DNAH14: variants seen among roughly 807,000 people sequenced by gnomAD.
DNAH14 encodes axonemal beta dynein heavy chain 14.
Under a neutral mutation model 520.9 loss-of-function variants are expected in DNAH14, and 478 were observed. That is an observed-to-expected ratio of 0.92 (90% confidence interval 0.85 to 0.99). The LOEUF is 0.99. Among genes scored for constraint, DNAH14 ranks in the 50% least tolerant of loss-of-function variants. The pLI, the probability that DNAH14 is intolerant of heterozygous loss-of-function variation, is 0.00. For missense variants in DNAH14, 4,831 were observed against 5,234.5 expected (o/e 0.92, Z 2.38); for synonymous variants, 1,581 against 1,757.2 (o/e 0.90, Z 2.51).
Position 225,331,500 on chromosome 1 carries a change from T to G in DNAH14, c.9787T>G (p.Leu3263Val). 6.4e-7 allele frequency: 1 copy of G among 1,551,484 alleles called. No individual in the cohort carries two copies. Among genetic ancestry groups the G allele is most frequent in the Non-Finnish European group, 8.7e-7 (1 of 1,146,864 alleles). Residue 3263 changes from leucine (L) to valine (V), a missense_variant, in exon 65 of 86, where the codon TTA becomes GTA. Coordinates refer to ENST00000682510, the MANE Select transcript of DNAH14 (RefSeq NM_001367479.1). ...YKDTVAEKQLLANRKTMASRR... is the reference protein window; with the variant it reads ...YKDTVAEKQLVANRKTMASRR... ...AGATACCGTTGCTGAAAAACAACTA[T>G]TAGCAAATCGGAAAACAATGGCCAG...
intron 17 of DNAH14, among the ~76,000 whole-genome samples, chr1:225,059,730 A>T (rs557044529): frequency 6.6e-6 from 1 of 152,078 alleles, no homozygotes; most frequent in East Asian, 1.9e-4. Flanking sequence ...TGGTGGTGAC[A>T]AAATCTCTCA....
chr1:225,255,800 T>C (rs1393067797), intron 44 of DNAH14, among the ~76,000 whole-genome samples: 1 of 152,120 alleles, frequency 6.6e-6, no homozygotes, highest in Non-Finnish European at 1.5e-5. Context: ...CAGACAGCCA[T>C]GCTTACCATT....
chr1:225,033,509 T>C (rs2066703349), intron 11 of DNAH14, among the ~76,000 whole-genome samples: 1 of 152,074 alleles, frequency 6.6e-6, no homozygotes, highest in Non-Finnish European at 1.5e-5. Context: ...AGTTGGGTGA[T>C]GCGGTTCTTC....
At chr1:225,348,497 A>G (rs2095319631) in intron 71 of DNAH14, among the ~76,000 whole-genome samples, 1 of 152,210 alleles carries the variant, frequency 6.6e-6, no homozygotes, top group African/African-American at 2.4e-5. Context: ...TTATTTGTAC[A>G]TACAAGGGAG....
intron 55 of DNAH14, among the ~76,000 whole-genome samples, chr1:225,296,217 G>A (rs2094002624): frequency 6.6e-6 from 1 of 152,072 alleles, no homozygotes; most frequent in East Asian, 1.9e-4. Flanking sequence ...TATCAATTCA[G>A]CCAGTCTATA....
At chr1:225,079,880 A>T (rs2072909740) in intron 18 of DNAH14, among the ~76,000 whole-genome samples, 1 of 151,770 alleles carries the variant, frequency 6.6e-6, no homozygotes, top group Non-Finnish European at 1.5e-5. Context: ...TCACCGTGTT[A>T]GCCAAGATGG....
At chr1:224,929,962 C>G in intron 1 of DNAH14, 127 bp downstream of exon 1, 1 of 502,746 alleles carries the variant, frequency 2.0e-6, no homozygotes, top group Non-Finnish European at 3.5e-6. Context: ...CCCCACCCAG[C>G]TGCTGTGGGA....
chr1:225,057,102 A>G (rs1176973296), intron 17 of DNAH14, among the ~76,000 whole-genome samples: 1 of 152,232 alleles, frequency 6.6e-6, no homozygotes, highest in Non-Finnish European at 1.5e-5. Flanking sequence ...GATGGCATTG[A>G]ATCTATAAAT....
At position 225,322,721 on chromosome 1, in the gene DNAH14, T is replaced by G; in HGVS notation, c.9393T>G (p.Leu3131=). 6.4e-7 allele frequency: 1 copy of G among 1,551,662 alleles called. No homozygotes were observed. Among genetic ancestry groups the G allele is most frequent in the South Asian group, 1.2e-5 (1 of 84,060 alleles). Residue 3131 remains leucine, a synonymous_variant, in exon 62 of 86, where the codon CTT becomes CTG. Coordinates refer to ENST00000682510, the MANE Select transcript of DNAH14 (RefSeq NM_001367479.1). ...CTGTCATGAATGCAGTGTGTATTCT[T>G]CTGCAAAAGAAACCTAACTGGGCAA... is the stretch of plus-strand genomic sequence containing the variant. ...VLTVMNAVCI[L]LQKKPNWATA... is the part of the protein sequence containing the mutation.
At chr1:225,263,071 A>G (rs2092992157) in intron 46 of DNAH14, among the ~76,000 whole-genome samples, 1 of 151,880 alleles carries the variant, frequency 6.6e-6, no homozygotes. Context: ...TAAGTTCCCA[A>G]GCCTGTTAAA....
Position 225,270,807 on chromosome 1 carries a change from C to T in DNAH14, c.7612C>T (p.His2538Tyr). 6.4e-7 allele frequency: 1 copy of T among 1,551,020 alleles called. No individual in the cohort carries two copies. The highest frequency in any genetic ancestry group is 8.7e-7 in the Non-Finnish European group (1 of 1,146,776). The change falls in exon 50 of 86, where the codon CAC becomes TAC. Residue 2538 changes from histidine (H) to tyrosine (Y), a missense_variant. By Grantham distance (83) the His-to-Tyr change is moderately conservative. Coordinates refer to ENST00000682510, the MANE Select transcript of DNAH14 (RefSeq NM_001367479.1). ...TGATATCAGCCCACGTCTTCTCAAA[C>T]ACTTTTCCATGCTGGTATTACCTCA... ...VNDISPRLLK[H>Y]FSMLVLPHPS...
chr1:225,375,540 GAGAA>G (rs2095686621), intron 78 of DNAH14, among the ~76,000 whole-genome samples: 1 of 152,174 alleles, frequency 6.6e-6, no homozygotes, highest in Non-Finnish European at 1.5e-5. Flanking sequence ...GTATCATCAA[GAGAA>G]AGAGAGGTCA....
intron 3 of DNAH14, among the ~76,000 whole-genome samples, chr1:224,955,313 A>G (rs537475760): frequency 5.3e-5 from 8 of 152,324 alleles, no homozygotes; most frequent in Admixed American, 1.3e-4. Context: ...TATTACTAAT[A>G]CCAGTGAAAT....
intron 8 of DNAH14, among the ~76,000 whole-genome samples, chr1:224,990,482 C>T (rs2062961271): frequency 6.6e-6 from 1 of 152,188 alleles, no homozygotes; most frequent in African/African-American, 2.4e-5. Flanking sequence ...CTACCCTCAG[C>T]CTGTGGTAAA....
At chr1:225,056,124 A>G (rs1479193050) in intron 17 of DNAH14, among the ~76,000 whole-genome samples, 2 of 151,854 alleles carry the variant, frequency 1.3e-5, no homozygotes, top group Non-Finnish European at 1.5e-5. Flanking sequence ...CACTTCCACA[A>G]TGGTTGAACT....
chr1:225,224,726 T>G (rs2090377885), intron 41 of DNAH14, among the ~76,000 whole-genome samples: 1 of 152,190 alleles, frequency 6.6e-6, no homozygotes, highest in South Asian at 2.1e-4. Context: ...GAAAAGCAGC[T>G]ATTTGGTGGA....
intron 54 of DNAH14, among the ~76,000 whole-genome samples, chr1:225,279,790 C>T (rs2093585481): frequency 6.6e-6 from 1 of 151,738 alleles, no homozygotes; most frequent in Non-Finnish European, 1.5e-5. Flanking sequence ...GTGAGCTATA[C>T]ATGGGGAGAA....
intron 19 of DNAH14, 105 bp from the exon 20 acceptor site, chr1:225,082,441 AAGT>A: frequency 1.2e-6 from 1 of 823,240 alleles, no homozygotes; most frequent in Non-Finnish European, 1.8e-6. Context: ...ATAATTGATA[AAGT>A]AGTTTTTAAC....
At chr1:225,145,473 C>A in intron 30 of DNAH14, 94 bp downstream of exon 30, 1 of 1,006,622 alleles carries the variant, frequency 9.9e-7, no homozygotes, top group Non-Finnish European at 1.4e-6. Flanking sequence ...AAATATTTAT[C>A]TGAGACAAAC....
Sources: gnomAD v4.1 joint callset for allele counts (sites outside exome capture counted in the v4.1 genomes callset) on GRCh38, gnomAD v4.1.1 for gene constraint, MANE v1.5 for transcripts, NCBI Gene and HGNC (gene_info 2026-07-23, HGNC 2026-07-21) for gene names.